GNAO1: variants seen among roughly 807,000 people sequenced by gnomAD.
GNAO1 encodes the protein G protein subunit alpha o1.
For missense variants in GNAO1, 166 were observed against 478.7 expected (o/e 0.35, Z 6.10); for synonymous variants, 164 against 180.7 (o/e 0.91, Z 0.74).
At chr16:56,352,861 G>C (rs1284896070) in intron 7 of GNAO1, 4 of 152,344 alleles carry the variant, frequency 2.6e-5, no homozygotes, top group African/African-American at 9.6e-5. Context: ...ATAGGGCAGA[G>C]AGCCCAGGTA....
rs2037870893 is a variant in GNAO1 at position 56,346,492 on chromosome 16, T to C, written c.724-4892T>C. ...CTTTCATGCCTATGGGCCAGTTTTG[T>C]GACCTGCGCCGCTGACCATCCTAAG... On this transcript the variant is annotated intron_variant, in intron 6 of 8. Coordinates refer to ENST00000262493, the MANE Select transcript of GNAO1 (RefSeq NM_020988.3). The C allele has an allele frequency of 6.1e-6, 6 of 985,192 alleles. No homozygotes were observed. The African/African-American group carries it at 8.7e-5, about 14-fold the overall frequency. The allele number at this position is 985,192 out of a possible 1,614,324, so 61.0% of individuals were successfully genotyped here. A position where few individuals can be genotyped will look rare whatever the true frequency, so the allele number is the denominator to read the frequency against.
chr16:56,293,455 G>A (rs375692479), intron 3 of GNAO1, among the ~76,000 whole-genome samples: 1 of 152,128 alleles, frequency 6.6e-6, no homozygotes, highest in African/African-American at 2.4e-5. Flanking sequence ...CTCTAAAAAT[G>A]GATTGCCCTT....
chr16:56,201,973 A>G (rs1049385207), intron 2 of GNAO1, among the ~76,000 whole-genome samples: 7 of 152,204 alleles, frequency 4.6e-5, no homozygotes, highest in African/African-American at 1.4e-4. Context: ...GGCGAGAGCC[A>G]TAGAAGTTGG....
At chr16:56,269,446 GC>G (rs1454145833) in intron 2 of GNAO1, among the ~76,000 whole-genome samples, 2 of 152,162 alleles carry the variant, frequency 1.3e-5, no homozygotes, top group African/African-American at 4.8e-5. Context: ...ACCAAGTATG[GC>G]AACAATAATA....
intron 3 of GNAO1, among the ~76,000 whole-genome samples, chr16:56,298,614 A>T (rs968024878): frequency 5.9e-5 from 9 of 152,014 alleles, no homozygotes; most frequent in Admixed American, 2.0e-4. Context: ...AACTTTTTTT[A>T]AAAAATGAGT....
intron 2 of GNAO1, among the ~76,000 whole-genome samples, chr16:56,274,963 T>A (rs1596835934): frequency 6.6e-6 from 1 of 152,232 alleles, no homozygotes; most frequent in Non-Finnish European, 1.5e-5. Flanking sequence ...GAAGAATCTT[T>A]AGCCATTTTC....
intron 2 of GNAO1, among the ~76,000 whole-genome samples, chr16:56,258,032 T>A (rs1227193563): frequency 6.6e-6 from 1 of 152,078 alleles, no homozygotes; most frequent in Non-Finnish European, 1.5e-5. Flanking sequence ...AGGAAAAAAA[T>A]AAAAAGAAAA....
chr16:56,230,473 TCTGCC>T (rs1420145300), intron 2 of GNAO1, among the ~76,000 whole-genome samples: 1 of 152,206 alleles, frequency 6.6e-6, no homozygotes, highest in Non-Finnish European at 1.5e-5. Flanking sequence ...ATTTTATAGC[TCTGCC>T]CTTCATCCAT....
At chr16:56,228,437 G>A (rs940786028) in intron 2 of GNAO1, among the ~76,000 whole-genome samples, 6 of 150,686 alleles carry the variant, frequency 4.0e-5, no homozygotes, top group East Asian at 1.9e-4. Context: ...GAGTGTGTGT[G>A]TATATATATA....
chr16:56,237,305 C>G (rs530024402), intron 2 of GNAO1, among the ~76,000 whole-genome samples: 1 of 152,140 alleles, frequency 6.6e-6, no homozygotes, highest in Non-Finnish European at 1.5e-5. Context: ...CATCTATGTA[C>G]CTGACATGGA....
rs1378755822 is a variant in GNAO1, at chr16:56,356,879, TTG to T, written c.*809_*810del. 1.3e-5 allele frequency: 2 copies of T among 150,482 alleles called. No individual in the cohort carries two copies. The highest frequency in any genetic ancestry group is 2.5e-5 in the African/African-American group (1 of 40,798). The allele number at this position is 150,482 out of a possible 1,614,324, so 9.3% of individuals were successfully genotyped here. On this transcript the variant is annotated 3_prime_UTR_variant, in exon 9 of 9. Coordinates refer to ENST00000262493, the MANE Select transcript of GNAO1 (RefSeq NM_020988.3). ...GTTTTCCTAGTCTTTGGGAAACGGG[TTG>T]TGTTTTTTTTCCTTTGCCGTGTTGG... is the stretch of plus-strand genomic sequence containing the variant.
At chr16:56,193,950 G>A (rs2036206186) in intron 2 of GNAO1, 1 of 364,430 alleles carries the variant, frequency 2.7e-6, no homozygotes. Flanking sequence ...TAATTGCATC[G>A]CGTAGGGAAA....
intron 3 of GNAO1, among the ~76,000 whole-genome samples, chr16:56,287,934 G>T (rs995074400): frequency 6.6e-6 from 1 of 152,178 alleles, no homozygotes; most frequent in Non-Finnish European, 1.5e-5. Context: ...GAGATGGCGC[G>T]CTGCATAGAC....
At chr16:56,222,682 C>G (rs569075319) in intron 2 of GNAO1, among the ~76,000 whole-genome samples, 1 of 152,134 alleles carries the variant, frequency 6.6e-6, no homozygotes, top group Admixed American at 6.5e-5. Context: ...GAGCCTCCAT[C>G]GTAGGTGTGT....
chr16:56,212,398 C>G (rs189478983), intron 2 of GNAO1, among the ~76,000 whole-genome samples: 1 of 152,298 alleles, frequency 6.6e-6, no homozygotes, highest in Non-Finnish European at 1.5e-5. Flanking sequence ...ATGCAGTGAA[C>G]TCTGCTTCGA....
At chr16:56,319,659 G>C (rs1225586087) in intron 3 of GNAO1, among the ~76,000 whole-genome samples, 2 of 152,160 alleles carry the variant, frequency 1.3e-5, no homozygotes, top group African/African-American at 4.8e-5. Flanking sequence ...GCAGGACACA[G>C]GGCCTGTGTG....
At chr16:56,200,208 C>T (rs553056651) in intron 2 of GNAO1, among the ~76,000 whole-genome samples, 1 of 152,276 alleles carries the variant, frequency 6.6e-6, no homozygotes, top group Admixed American at 6.5e-5. Context: ...GTCTGTATCC[C>T]TTGCTAGCCT....
At chr16:56,244,104 C>T (rs1371828688) in intron 2 of GNAO1, among the ~76,000 whole-genome samples, 3 of 152,176 alleles carry the variant, frequency 2.0e-5, no homozygotes, top group Admixed American at 2.0e-4. Context: ...TGGCCACTCG[C>T]CATGCTATAC....
In GNAO1 at chr16:56,326,702, G is replaced by C. The variant is rs1055638792; in HGVS notation, c.304-1929G>C. Among the ~76,000 whole-genome samples, 1 of 152,238 alleles carries C rather than the reference G, an allele frequency of 6.6e-6. No homozygotes were observed. Among genetic ancestry groups the C allele is most frequent in the African/African-American group, 2.4e-5 (1 of 41,472 alleles). On this transcript the variant is annotated intron_variant, in intron 3 of 8. Transcript: ENST00000262493. This position sits in a 1 kb window ranked among gnomAD's most constrained non-coding sequence, Gnocchi z 4.8. ...ATTTGCCCATTCCTGTCTGTCCGGG[G>C]CACCGACTCAAACTGCAGCCAGCTA...
Sources: gnomAD v4.1 joint callset for allele counts (sites outside exome capture counted in the v4.1 genomes callset) on GRCh38, gnomAD v4.1.1 for gene constraint, Gnocchi (gnomAD v3.1) non-coding constraint, MANE v1.5 for transcripts, NCBI Gene and HGNC (gene_info 2026-07-23, HGNC 2026-07-21) for gene names.